Variants in PDE1A observed in about 807,000 individuals in gnomAD.
PDE1A encodes phosphodiesterase 1A, also known as dual specificity calcium/calmodulin-dependent 3',5'-cyclic nucleotide phosphodiesterase 1A.
PDE1A carries 35 observed loss-of-function variants against 61.7 expected under a neutral mutation model. The ratio of observed to expected loss-of-function variants is 0.57; its 90% CI spans 0.43 to 0.75. The LOEUF is 0.75. Ranked by LOEUF, PDE1A falls within the 30% of genes least tolerant of loss-of-function variation. The pLI, the probability that PDE1A is intolerant of heterozygous loss-of-function variation, is 0.00. For missense variants in PDE1A, 597 were observed against 630.6 expected (o/e 0.95, Z 0.57); for synonymous variants, 232 against 213.2 (o/e 1.09, Z -0.77).
chr2:182,660,406 C>T, the PDE1A span, among the ~76,000 whole-genome samples: 9 of 152,314 alleles, frequency 5.9e-5, no homozygotes, highest in South Asian at 1.2e-3. Flanking sequence ...GCCCCTCATC[C>T]TGTATAACCC....
At chr2:182,257,266 G>T (rs967015020) in intron 2 of PDE1A, among the ~76,000 whole-genome samples, 1 of 152,044 alleles carries the variant, frequency 6.6e-6, no homozygotes, top group Non-Finnish European at 1.5e-5. Context: ...TTAAATTAGT[G>T]GGATAACATG....
chr2:182,371,313 C>T (rs1700118637), intron 1 of PDE1A, among the ~76,000 whole-genome samples: 1 of 152,072 alleles, frequency 6.6e-6, no homozygotes, highest in Non-Finnish European at 1.5e-5. Flanking sequence ...GTTTTATTAA[C>T]AGAAGAAAAC....
At chr2:182,712,815 C>T in the PDE1A span, among the ~76,000 whole-genome samples, 1 of 152,100 alleles carries the variant, frequency 6.6e-6, no homozygotes, top group Admixed American at 6.5e-5. Context: ...CTCAGCCTCC[C>T]AAAGTGCTGG....
intron 1 of PDE1A, among the ~76,000 whole-genome samples, chr2:182,270,450 C>A (rs945977506): frequency 1.3e-5 from 2 of 151,948 alleles, no homozygotes; most frequent in Non-Finnish European, 2.9e-5. Flanking sequence ...ACATAAGTAA[C>A]AATGTTCTCA....
intron 1 of PDE1A, among the ~76,000 whole-genome samples, chr2:182,392,018 G>A (rs189360759): frequency 6.6e-6 from 1 of 152,254 alleles, no homozygotes; most frequent in Non-Finnish European, 1.5e-5. Flanking sequence ...GTCCCGTTGA[G>A]GAAGAACCCC....
intron 8 of PDE1A, among the ~76,000 whole-genome samples, chr2:182,203,459 G>T (rs887621818): frequency 6.6e-6 from 1 of 152,134 alleles, no homozygotes; most frequent in Admixed American, 6.5e-5. Flanking sequence ...GTAAGGGAAA[G>T]GAAGCTATTA....
intron 13 of PDE1A, among the ~76,000 whole-genome samples, chr2:182,152,049 T>C (rs1690807785): frequency 6.6e-6 from 1 of 152,160 alleles, no homozygotes; most frequent in African/African-American, 2.4e-5. Context: ...GTTTGAAAAA[T>C]ACCACAAAAT....
At chr2:182,426,916 C>A in exon 1 of PDE1A, 1 of 1,163,902 alleles carries the variant, frequency 8.6e-7, no homozygotes, top group East Asian at 4.5e-5. Flanking sequence ...GTGCACGGGA[C>A]CCTCCGAAAC....
At chr2:182,674,765 T>G in the PDE1A span, among the ~76,000 whole-genome samples, 1 of 152,208 alleles carries the variant, frequency 6.6e-6, no homozygotes, top group South Asian at 2.1e-4. Flanking sequence ...GAGGAATACT[T>G]TCTACTTACC....
chr2:182,387,414 TAA>T (rs71405478), intron 1 of PDE1A, among the ~76,000 whole-genome samples: 5 of 81,242 alleles, frequency 6.2e-5, no homozygotes, highest in Non-Finnish European at 8.1e-5. Flanking sequence ...GAATGATCAA[TAA>T]AAAAAAAAAA....
rs111657489 is a variant in PDE1A at position 182,507,233 on chromosome 2, T to C, written c.101+15043A>G. Among the ~76,000 whole-genome samples the C allele has an allele frequency of 7.3e-3, 1,113 of 152,260 alleles. 15 individuals carry two copies. Among genetic ancestry groups the C allele is most frequent in the African/African-American group, 0.025 (1,049 of 41,558 alleles). On this transcript the variant is annotated intron_variant, in intron 2 of 14. Coordinates refer to the PDE1A transcript ENST00000410103. ...AAAAACTTTAGAAACCAGAGACTTA[T>C]GTGAAAAATTCAGAAGCTAAGAGAT...
At chr2:182,254,297 A>C (rs1691615585) in intron 2 of PDE1A, among the ~76,000 whole-genome samples, 1 of 152,214 alleles carries the variant, frequency 6.6e-6, no homozygotes, top group Admixed American at 6.5e-5. Flanking sequence ...GGGTGAGAAC[A>C]GCCTACAAAC....
the PDE1A span, among the ~76,000 whole-genome samples, chr2:182,694,836 C>T: frequency 8.9e-6 from 1 of 112,074 alleles, no homozygotes; most frequent in Non-Finnish European, 1.9e-5. Context: ...GGGGGGGGGG[C>T]AACAGTTGTT....
the PDE1A span, among the ~76,000 whole-genome samples, chr2:182,698,983 A>G: frequency 6.6e-6 from 1 of 152,180 alleles, no homozygotes; most frequent in South Asian, 2.1e-4. Flanking sequence ...ACTTGGCAAT[A>G]TTTGTCAACT....
At chr2:182,440,530 G>T (rs1684720892) in intron 2 of PDE1A, among the ~76,000 whole-genome samples, 1 of 152,006 alleles carries the variant, frequency 6.6e-6, no homozygotes. Context: ...AATGCCTATT[G>T]TGTTTTCATT....
the PDE1A span, among the ~76,000 whole-genome samples, chr2:182,576,986 C>A: frequency 2.8e-4 from 43 of 152,194 alleles, no homozygotes; most frequent in African/African-American, 1.0e-3. Context: ...GAATATTAAC[C>A]ATATCAGATA....
chr2:182,654,752 A>G, the PDE1A span, among the ~76,000 whole-genome samples: 6 of 152,044 alleles, frequency 3.9e-5, no homozygotes, highest in Non-Finnish European at 8.8e-5. Flanking sequence ...ACTAGCTCAG[A>G]TCTCTCTAGC....
exon 15 of PDE1A, chr2:182,141,699 C>T (rs1350298393): frequency 6.6e-6 from 1 of 152,128 alleles, no homozygotes; most frequent in African/African-American, 2.4e-5. Context: ...CAATTGTACC[C>T]TTTTCTAAAA....
chr2:182,218,106 C>A (rs1425842061), intron 7 of PDE1A, among the ~76,000 whole-genome samples: 1 of 150,076 alleles, frequency 6.7e-6, no homozygotes, highest in Non-Finnish European at 1.5e-5. Context: ...ATGATGAGTT[C>A]ATGTCCTTTG....
Sources: allele counts gnomAD v4.1 joint callset (sites outside exome capture counted in the v4.1 genomes callset), GRCh38; gene constraint gnomAD v4.1.1; transcripts MANE v1.5; gene names NCBI Gene and HGNC (gene_info 2026-07-23, HGNC 2026-07-21).